Variants in KIF26B observed in about 807,000 individuals in gnomAD.
KIF26B encodes kinesin-like protein KIF26B.
Under a neutral mutation model 151.2 loss-of-function variants are expected in KIF26B, and 63 were observed. The ratio of observed to expected loss-of-function variants is 0.42; its 90% CI spans 0.34 to 0.51. KIF26B has a LOEUF of 0.51. Among genes scored for constraint, KIF26B ranks in the 20% least tolerant of loss-of-function variants. KIF26B has a pLI of 0.07. For synonymous variants in KIF26B, 1,357 were observed against 1,262.1 expected (o/e 1.08, Z -1.59); for missense variants, 2,813 against 2,913.6 (o/e 0.97, Z 0.79).
intron 2 of KIF26B, among the ~76,000 whole-genome samples, chr1:245,207,980 C>G (rs1012900166): frequency 1.3e-5 from 2 of 152,146 alleles, no homozygotes; most frequent in African/African-American, 4.8e-5. Context: ...CATCTGGAAG[C>G]CCCCGCGGAG....
intron 10 of KIF26B, among the ~76,000 whole-genome samples, chr1:245,679,457 GTTT>G (rs35663208): frequency 0.013 from 770 of 58,954 alleles, 9 homozygotes; most frequent in African/African-American, 0.041. Context: ...TTTTGTGTGT[GTTT>G]TTTTTTTTTT....
At chr1:245,460,384 A>G (rs1248713970) in intron 4 of KIF26B, among the ~76,000 whole-genome samples, 1 of 152,176 alleles carries the variant, frequency 6.6e-6, no homozygotes, top group Non-Finnish European at 1.5e-5. Flanking sequence ...CCAAGGGTCA[A>G]ATCCAGCCTG....
In KIF26B at chr1:245,702,637, C is replaced by A. The variant is rs778655418; in HGVS notation, c.*31C>A. 5 of 1,604,040 alleles carry A rather than the reference C, an allele frequency of 3.1e-6. No individual in the cohort carries two copies. Among genetic ancestry groups the A allele is most frequent in the Non-Finnish European group, 3.4e-6 (4 of 1,174,340 alleles). On this transcript the variant is annotated 3_prime_UTR_variant, in exon 15 of 15. Coordinates refer to ENST00000407071, the MANE Select transcript of KIF26B (RefSeq NM_018012.4). This position sits in a 1 kb window ranked among gnomAD's most constrained non-coding sequence, Gnocchi z 4.1. The stretch of plus-strand genomic sequence containing the variant: ...CCAGACCCTTGTCCTAGTGGTCCCC[C>A]GCTCCCCAGGACTTCAGAGATGTTG...
At chr1:245,515,874 C>G (rs2103086714) in intron 4 of KIF26B, among the ~76,000 whole-genome samples, 1 of 152,212 alleles carries the variant, frequency 6.6e-6, no homozygotes, top group East Asian at 1.9e-4. Context: ...GAGTTCAGAT[C>G]CCTGCCTGTG....
chr1:245,279,086 G>A (rs1172024511), intron 2 of KIF26B, among the ~76,000 whole-genome samples: 6 of 152,104 alleles, frequency 3.9e-5, no homozygotes, highest in Non-Finnish European at 8.8e-5. Context: ...TGAAGGAGAT[G>A]GGGAAGGATC....
chr1:245,250,166 T>A (rs1573733355), intron 2 of KIF26B, among the ~76,000 whole-genome samples: 1 of 152,218 alleles, frequency 6.6e-6, no homozygotes, highest in Admixed American at 6.5e-5. Flanking sequence ...TTCCATCCTG[T>A]TGCACTTTCT....
At chr1:245,617,021 A>G (rs2043598415) in intron 9 of KIF26B, among the ~76,000 whole-genome samples, 1 of 152,202 alleles carries the variant, frequency 6.6e-6, no homozygotes, top group Non-Finnish European at 1.5e-5. Context: ...GTATGTGCAC[A>G]TGGGCACACA....
In KIF26B at chr1:245,156,267, G is replaced by T; in HGVS notation, c.64-15G>T. ...CCGCCTTGCAGCCCCTGACACCGGC[G>T]TGTCTTCCCCGCAGGTGAATGAAGT... On this transcript the variant is annotated splice_polypyrimidine_tract_variant and intron_variant, in intron 1 of 14. Transcript: ENST00000407071. The T allele has an allele frequency of 6.5e-7, 1 of 1,544,148 alleles. No individual in the cohort carries two copies. The highest frequency in any genetic ancestry group is 8.7e-7 in the Non-Finnish European group (1 of 1,145,124).
At chr1:245,176,627 C>T (rs886617262) in intron 2 of KIF26B, among the ~76,000 whole-genome samples, 1 of 152,158 alleles carries the variant, frequency 6.6e-6, no homozygotes, top group African/African-American at 2.4e-5. Context: ...CCTAGTTCAG[C>T]ACTTTCATAC....
rs771411585 is a variant in KIF26B, at chr1:245,378,352, G to A, written c.999+10985G>A. ...GGGTTAGGTGGGGAGGTGGGGGGTGGTGGGAATGTGGCTATTATCACCCAA... is the reference window on the plus strand; with the variant it reads ...GGGTTAGGTGGGGAGGTGGGGGGTGATGGGAATGTGGCTATTATCACCCAA... On this transcript the variant is annotated intron_variant, in intron 3 of 14. Coordinates refer to ENST00000407071, the MANE Select transcript of KIF26B (RefSeq NM_018012.4). 2.0e-4 allele frequency among the ~76,000 whole-genome samples: 31 copies of A among 151,708 alleles called. 1 individual carries two copies. In the South Asian group the frequency reaches 6.2e-3, roughly 31 times the overall value.
In KIF26B at chr1:245,519,859, G is replaced by A. The variant is rs553960463; in HGVS notation, c.1167-20908G>A. ...GGGACCACCAGTATATATGTGGTTC[G>A]TCCTTGACTGAAACGTTATACGGTG... On this transcript the variant is annotated intron_variant, in intron 4 of 14. Transcript: ENST00000407071. Among the ~76,000 whole-genome samples the A allele has an allele frequency of 1.5e-3, 226 of 152,268 alleles. 1 individual carries two copies. Among genetic ancestry groups the A allele is most frequent in the South Asian group, 2.9e-3 (14 of 4,826 alleles).
chr1:245,679,134 G>A (rs1417563500), intron 10 of KIF26B, among the ~76,000 whole-genome samples: 3 of 152,096 alleles, frequency 2.0e-5, no homozygotes, highest in Admixed American at 6.5e-5. Context: ...CTTTGTGGGC[G>A]ACACAGGCTC....
At chr1:245,684,490 A>G in intron 11 of KIF26B, 95 bp downstream of exon 11, 1 of 1,240,204 alleles carries the variant, frequency 8.1e-7, no homozygotes. Flanking sequence ...AACGTTGCCA[A>G]TCCCCCAGCA....
At chr1:245,159,418 T>C (rs1040371198) in intron 2 of KIF26B, among the ~76,000 whole-genome samples, 5 of 152,290 alleles carry the variant, frequency 3.3e-5, no homozygotes, top group Middle Eastern at 3.4e-3. Flanking sequence ...AGTTTTCCTC[T>C]CTACTTTTTA....
intron 10 of KIF26B, among the ~76,000 whole-genome samples, chr1:245,680,896 T>C (rs1172377447): frequency 1.3e-5 from 2 of 152,166 alleles, no homozygotes; most frequent in Non-Finnish European, 2.9e-5. Context: ...CATGTGTCCT[T>C]TTTGCAGTCT....
In KIF26B at chr1:245,294,359, A is replaced by G. The variant is rs77301917; in HGVS notation, c.466-72475A>G. On this transcript the variant is annotated intron_variant, in intron 2 of 14. Transcript: ENST00000407071. ...TCTAACTATACAGGACAATCCTTCC[A>G]CGGTTCCTCTGCGCAGTCCCATCTT... 3.2e-3 allele frequency among the ~76,000 whole-genome samples: 482 copies of G among 152,250 alleles called. 1 individual carries two copies. The highest frequency in any genetic ancestry group is 0.011 in the African/African-American group (451 of 41,534).
intron 2 of KIF26B, among the ~76,000 whole-genome samples, chr1:245,294,074 C>G (rs925847405): frequency 6.6e-6 from 1 of 152,086 alleles, no homozygotes; most frequent in Admixed American, 6.5e-5. Flanking sequence ...GAATATAGAC[C>G]ATGATGGTGG....
chr1:245,615,333 A>G (rs1410737258), intron 9 of KIF26B, among the ~76,000 whole-genome samples: 1 of 152,206 alleles, frequency 6.6e-6, no homozygotes, highest in African/African-American at 2.4e-5. Flanking sequence ...TTTCAAACCA[A>G]ACTGAGGACA....
intron 2 of KIF26B, among the ~76,000 whole-genome samples, chr1:245,309,351 G>A (rs1671621116): frequency 6.6e-6 from 1 of 152,144 alleles, no homozygotes; most frequent in Non-Finnish European, 1.5e-5. Context: ...ATCGGTCGAA[G>A]GCCTGAGTAG....
Sources: allele counts gnomAD v4.1 joint callset (sites outside exome capture counted in the v4.1 genomes callset), GRCh38; gene constraint gnomAD v4.1.1; non-coding constraint Gnocchi (gnomAD v3.1); transcripts MANE v1.5; gene names NCBI Gene and HGNC (gene_info 2026-07-23, HGNC 2026-07-21).